Variants in CHL1 observed in about 807,000 individuals in gnomAD.
CHL1 encodes neural cell adhesion molecule L1-like protein.
CHL1 carries 96 observed loss-of-function variants against 141.9 expected under a neutral mutation model. The observed-to-expected ratio is 0.68, with a 90% confidence interval of 0.57 to 0.80. The LOEUF (loss-of-function observed/expected upper bound fraction) is 0.80. Among genes scored for constraint, CHL1 ranks in the 30% least tolerant of loss-of-function variants. The pLI is 0.00. For missense variants in CHL1, 1,820 were observed against 1,457.2 expected, an observed-to-expected ratio of 1.25 and a Z score of -4.05; for synonymous variants, 613 against 502.2, an observed-to-expected ratio of 1.22 and a Z score of -2.95.
intron 2 of CHL1, among the ~76,000 whole-genome samples, chr3:269,188 G>A (rs1695424257): frequency 6.6e-6 from 1 of 152,184 alleles, no homozygotes; most frequent in African/African-American, 2.4e-5. Flanking sequence ...CAGGAAGGAG[G>A]AGAGTAGCTC....
chr3:312,590 C>T (rs1699840329), intron 2 of CHL1, among the ~76,000 whole-genome samples: 1 of 152,154 alleles, frequency 6.6e-6, no homozygotes, highest in African/African-American at 2.4e-5. Context: ...GACCTCCTCC[C>T]CATAAGAACT....
At chr3:202,789 A>T (rs1200359920) in intron 1 of CHL1, among the ~76,000 whole-genome samples, 1 of 152,240 alleles carries the variant, frequency 6.6e-6, no homozygotes, top group African/African-American at 2.4e-5. Context: ...ATAGCACTTT[A>T]TTCTCTGAAG....
chr3:389,307 A>G lies in CHL1; in HGVS notation c.2303A>G (p.Lys768Arg), dbSNP rs185060042. ...GGCCTAGAGTACAGAGTGACCTGGA[A>G]GCCACAGGGAGCCCCAGTGGAGTGG... ...GPGLEYRVTWKPQGAPVEWEE... is the reference protein window; with the variant it reads ...GPGLEYRVTWRPQGAPVEWEE... The change falls in exon 20 of 28, where the codon AAG becomes AGG. Residue 768 changes from lysine (K) to arginine (R), a missense_variant. Lys to Arg is a conservative substitution (Grantham distance 26). Transcript: ENST00000256509. 6.2e-6 allele frequency: 10 copies of G among 1,614,098 alleles called. No individual in the cohort carries two copies. The Admixed American group carries it at 1.3e-4, about 22-fold the overall frequency.
intron 2 of CHL1, among the ~76,000 whole-genome samples, chr3:312,981 T>C (rs768284014): frequency 6.6e-6 from 1 of 152,206 alleles, no homozygotes; most frequent in Non-Finnish European, 1.5e-5. Context: ...TTTGCATGCA[T>C]GAAGTTAATT....
intron 2 of CHL1, among the ~76,000 whole-genome samples, chr3:306,957 C>T (rs1399120036): frequency 2.0e-5 from 3 of 152,118 alleles, no homozygotes; most frequent in East Asian, 1.9e-4. Flanking sequence ...TGTTGGAATT[C>T]GTACTTTAAA....
chr3:207,120 T>C (rs1699511600), intron 1 of CHL1, among the ~76,000 whole-genome samples: 1 of 152,192 alleles, frequency 6.6e-6, no homozygotes, highest in South Asian at 2.1e-4. Flanking sequence ...GCCAATATAT[T>C]TGGGAGTTTT....
chr3:397,339 T>C lies in CHL1; in HGVS notation c.3095-888T>C, dbSNP rs545990835. Among the ~76,000 whole-genome samples the C allele has an allele frequency of 1.1e-4, 16 of 152,260 alleles. No homozygotes were observed. The South Asian group carries it at 3.3e-3, about 32-fold the overall frequency. ...AAACCTTTTTGTTATTTAGTAACTA[T>C]ATAATTAATTTTTATTTTATAGTGA... On this transcript the variant is annotated intron_variant, in intron 24 of 27. Coordinates refer to ENST00000256509, the MANE Select transcript of CHL1 (RefSeq NM_006614.4).
At chr3:200,892 T>C (rs560903123) in intron 1 of CHL1, among the ~76,000 whole-genome samples, 6 of 152,356 alleles carry the variant, frequency 3.9e-5, no homozygotes, top group African/African-American at 1.2e-4. Flanking sequence ...TTTGGGAGGC[T>C]GCTTAACACC....
At chr3:237,019 G>A (rs575055625) in intron 1 of CHL1, among the ~76,000 whole-genome samples, 1 of 152,132 alleles carries the variant, frequency 6.6e-6, no homozygotes, top group Non-Finnish European at 1.5e-5. Context: ...AATCAAACTC[G>A]TTAGGACCTC....
chr3:389,549 A>C, intron 20 of CHL1, 75 bp downstream of exon 20: 1 of 1,161,962 alleles, frequency 8.6e-7, no homozygotes, highest in Non-Finnish European at 1.3e-6. Context: ...CAATCAACAA[A>C]TATTTGTGAA....
At chr3:222,408 G>GCAT (rs1206910372) in intron 1 of CHL1, among the ~76,000 whole-genome samples, 14 of 152,214 alleles carry the variant, frequency 9.2e-5, no homozygotes, top group Admixed American at 9.2e-4. Flanking sequence ...TAAGAAGAAA[G>GCAT]CATAAAATTT....
chr3:222,526 A>G (rs188377767), intron 1 of CHL1, among the ~76,000 whole-genome samples: 2 of 152,224 alleles, frequency 1.3e-5, no homozygotes, highest in Non-Finnish European at 2.9e-5. Flanking sequence ...GATGGGAAAT[A>G]TAGGTAATTC....
intron 16 of CHL1, among the ~76,000 whole-genome samples, chr3:379,879 T>G (rs1041462459): frequency 2.0e-5 from 3 of 152,150 alleles, no homozygotes; most frequent in African/African-American, 7.2e-5. Flanking sequence ...AATAATTATA[T>G]AGACACATAC....
intron 5 of CHL1, among the ~76,000 whole-genome samples, chr3:335,581 C>T (rs1301251644): frequency 6.6e-6 from 1 of 152,106 alleles, no homozygotes; most frequent in African/African-American, 2.4e-5. Context: ...AATGTACGGC[C>T]CTGGAAAGCT....
At chr3:387,018 G>C (rs946925591) in intron 19 of CHL1, among the ~76,000 whole-genome samples, 2 of 152,180 alleles carry the variant, frequency 1.3e-5, no homozygotes, top group African/African-American at 2.4e-5. Flanking sequence ...TACAATTTTT[G>C]TTTCTCAAGA....
chr3:197,815 G>A, intron 1 of CHL1: 1 of 456,562 alleles, frequency 2.2e-6, no homozygotes, highest in Non-Finnish European at 4.4e-6. Flanking sequence ...CCGGGGGGCT[G>A]GAGATGCCGG....
At chr3:337,900 G>C (rs1183076973) in intron 5 of CHL1, among the ~76,000 whole-genome samples, 1 of 152,174 alleles carries the variant, frequency 6.6e-6, no homozygotes, top group African/African-American at 2.4e-5. Context: ...TAATGGGATG[G>C]CTGGGTCAAA....
intron 10 of CHL1, among the ~76,000 whole-genome samples, chr3:350,585 A>G (rs1376333701): frequency 1.4e-5 from 2 of 139,966 alleles, no homozygotes; most frequent in Admixed American, 1.6e-4. Context: ...ACACCTAAGT[A>G]ATGGCCTGTT....
chr3:317,833 A>G (rs1411351437), intron 2 of CHL1, among the ~76,000 whole-genome samples: 1 of 151,824 alleles, frequency 6.6e-6, no homozygotes, highest in Non-Finnish European at 1.5e-5. Context: ...GCATTTTTCC[A>G]TGTTTTATTT....
Sources: allele counts gnomAD v4.1 joint callset (sites outside exome capture counted in the v4.1 genomes callset), GRCh38; gene constraint gnomAD v4.1.1; transcripts MANE v1.5; gene names NCBI Gene and HGNC (gene_info 2026-07-23, HGNC 2026-07-21).